Variants in SLC25A12 observed in about 807,000 individuals in gnomAD.
SLC25A12 encodes electrogenic aspartate/glutamate antiporter SLC25A12, mitochondrial.
Under a neutral mutation model 83.3 loss-of-function variants are expected in SLC25A12, and 32 were observed. The observed-to-expected ratio is 0.38, with a 90% CI of 0.29 to 0.52. The LOEUF (loss-of-function observed/expected upper bound fraction) is 0.52, where lower values mean the gene tolerates loss of function less well. SLC25A12 is among the 20% of genes least tolerant of loss of function. The probability of loss-of-function intolerance (pLI) is 0.84; values close to 1 mark genes in which losing one functional copy is unlikely to be tolerated. For synonymous variants in SLC25A12, 267 were observed against 291.1 expected, an observed-to-expected ratio of 0.92 and a Z score of 0.84; for missense variants, 611 against 835.6, an observed-to-expected ratio of 0.73 and a Z score of 3.31.
rs1194882391 is a variant in SLC25A12, at chr2:171,787,644, A to C, written c.1762T>G (p.Ser588Ala). 6.2e-7 allele frequency: 1 copy of C among 1,614,126 alleles called. No individual in the cohort carries two copies. The highest frequency in any genetic ancestry group is 1.1e-5 in the South Asian group (1 of 91,086). The change falls in exon 17 of 18, where the codon TCT (serine) becomes GCT (alanine). Residue 588 changes from serine to alanine, a missense_variant. This residue lies in a region of SLC25A12 where 540 missense variants were observed against 777.5 expected (regional missense o/e 0.69). Coordinates refer to ENST00000422440, the MANE Select transcript of SLC25A12 (RefSeq NM_003705.5). ...ACCAAGGTAACACCAAACTGGGGAG[A>C]GGATCGAAACACTCGAGCTGAAAAA... ...KGTAARVFRS[S>A]PQFGVTLVTY... is the part of the protein sequence containing the mutation.
chr2:171,793,898 G>A (rs888162660), intron 13 of SLC25A12, 131 bp from the exon 14 acceptor site: 33 of 1,049,470 alleles, frequency 3.1e-5, no homozygotes, highest in Non-Finnish European at 4.5e-5. Flanking sequence ...CCTTCCTCAG[G>A]GGGGAATGAC....
intron 8 of SLC25A12, among the ~76,000 whole-genome samples, chr2:171,829,465 C>T (rs979436566): frequency 6.6e-6 from 1 of 152,038 alleles, no homozygotes; most frequent in Admixed American, 6.6e-5. Context: ...CCATATAACC[C>T]CTTGCCAAGT....
At chr2:171,873,426 C>T (rs1052163739) in intron 2 of SLC25A12, among the ~76,000 whole-genome samples, 3 of 151,876 alleles carry the variant, frequency 2.0e-5, no homozygotes, top group East Asian at 1.9e-4. Context: ...CCAGCCTGTG[C>T]GACAGAGCAA....
chr2:171,855,333 C>T (rs1007109272), intron 4 of SLC25A12, among the ~76,000 whole-genome samples: 1 of 151,470 alleles, frequency 6.6e-6, no homozygotes, highest in African/African-American at 2.4e-5. Flanking sequence ...AATATTCTAG[C>T]CTCTTTCCTA....
intron 2 of SLC25A12, among the ~76,000 whole-genome samples, chr2:171,889,571 T>A (rs1474127656): frequency 6.6e-6 from 1 of 152,216 alleles, no homozygotes; most frequent in Non-Finnish European, 1.5e-5. Flanking sequence ...AAACCCACAG[T>A]GGCTCCCTAC....
chr2:171,786,918 G>A (rs757964471), intron 17 of SLC25A12, among the ~76,000 whole-genome samples: 8 of 152,196 alleles, frequency 5.3e-5, no homozygotes, highest in Non-Finnish European at 1.2e-4. Context: ...ATGCACAAAA[G>A]TGTTACTGGT....
chr2:171,834,036 T>C lies in SLC25A12; in HGVS notation c.772A>G (p.Ile258Val). The change falls in exon 8 of 18, where the codon ATA (isoleucine) becomes GTA (valine). Residue 258 changes from isoleucine (I) to valine (V), a missense_variant. Ile to Val is a conservative substitution (Grantham distance 29, BLOSUM62 3). Transcript: ENST00000422440. ...AGTGGTGTGACTTGTCCATAGCGTA[T>C]GGCACTCTGGGCAAATTCCTCTGGA... ...VTKEEFAQSA[I>V]RYGQVTPLEI... 1 of 1,607,922 alleles carries C rather than the reference T, an allele frequency of 6.2e-7. No individual in the cohort carries two copies. Among genetic ancestry groups the C allele is most frequent in the Non-Finnish European group, 8.5e-7 (1 of 1,174,546 alleles).
intron 4 of SLC25A12, among the ~76,000 whole-genome samples, chr2:171,849,063 T>C (rs950796829): frequency 6.6e-6 from 1 of 152,116 alleles, no homozygotes; most frequent in Non-Finnish European, 1.5e-5. Context: ...TGGTGGCACA[T>C]GCCTGTAGTC....
chr2:171,875,090 A>G (rs1304255490), intron 2 of SLC25A12, among the ~76,000 whole-genome samples: 3 of 152,120 alleles, frequency 2.0e-5, no homozygotes, highest in African/African-American at 4.8e-5. Flanking sequence ...TCCGCAACCA[A>G]TCAGATGTTT....
At chr2:171,890,144 C>A (rs1262134161) in intron 2 of SLC25A12, among the ~76,000 whole-genome samples, 1 of 152,192 alleles carries the variant, frequency 6.6e-6, no homozygotes, top group Non-Finnish European at 1.5e-5. Context: ...GCTCTGTTGT[C>A]TCTCTTGATA....
At chr2:171,882,551 A>C (rs1685719680) in intron 2 of SLC25A12, among the ~76,000 whole-genome samples, 1 of 152,250 alleles carries the variant, frequency 6.6e-6, no homozygotes. Flanking sequence ...AAGGTGCATG[A>C]TCCCTGGTGA....
intron 2 of SLC25A12, among the ~76,000 whole-genome samples, chr2:171,883,113 A>C (rs1484653176): frequency 2.0e-5 from 3 of 152,362 alleles, no homozygotes; most frequent in South Asian, 2.1e-4. Flanking sequence ...ACATATTAAC[A>C]TCTTAGTCTC....
At chr2:171,878,159 G>C (rs1012189073) in intron 2 of SLC25A12, among the ~76,000 whole-genome samples, 92 of 152,160 alleles carry the variant, frequency 6.0e-4, no homozygotes, top group African/African-American at 1.8e-3. Flanking sequence ...ACAAGACATA[G>C]TGCCTGCTGT....
intron 2 of SLC25A12, among the ~76,000 whole-genome samples, chr2:171,885,176 C>CA (rs11458998): frequency 0.45 from 54,172 of 120,156 alleles, 10,833 homozygotes; most frequent in East Asian, 0.76. Context: ...GACTCCGTCT[C>CA]AAAAAAAAAA....
At chr2:171,786,403 A>AG (rs1553469033) in intron 17 of SLC25A12, among the ~76,000 whole-genome samples, 32 of 146,426 alleles carry the variant, frequency 2.2e-4, no homozygotes, top group African/African-American at 6.8e-4. Context: ...AAAAAAAAAA[A>AG]AGAGAGAGAG....
intron 3 of SLC25A12, among the ~76,000 whole-genome samples, chr2:171,865,699 T>G (rs1399911636): frequency 6.6e-6 from 1 of 151,662 alleles, no homozygotes; most frequent in Admixed American, 6.6e-5. Context: ...ATAAAATATT[T>G]TTTTAATGTA....
chr2:171,827,149 A>T (rs1684319595), intron 8 of SLC25A12, among the ~76,000 whole-genome samples: 1 of 152,214 alleles, frequency 6.6e-6, no homozygotes, highest in African/African-American at 2.4e-5. Context: ...TTATTGCCAG[A>T]AGCAAAAGTA....
intron 9 of SLC25A12, among the ~76,000 whole-genome samples, chr2:171,819,824 C>T (rs2105870825): frequency 6.6e-6 from 1 of 152,008 alleles, no homozygotes; most frequent in Non-Finnish European, 1.5e-5. Context: ...ACAAAGAAAA[C>T]AAAGTCCTAT....
chr2:171,811,577 T>C (rs954202047), intron 11 of SLC25A12, among the ~76,000 whole-genome samples: 1 of 152,226 alleles, frequency 6.6e-6, no homozygotes, highest in Non-Finnish European at 1.5e-5. Context: ...GACAGAATAA[T>C]GGACCAGTTG....
Sources: allele counts gnomAD v4.1 joint callset (sites outside exome capture counted in the v4.1 genomes callset), GRCh38; gene constraint gnomAD v4.1.1; regional missense constraint gnomAD v4.1.1; transcripts MANE v1.5; gene names NCBI Gene and HGNC (gene_info 2026-07-23, HGNC 2026-07-21).